The following UBE2G1 variants were observed in gnomAD, a reference collection of about 807,000 sequenced individuals.
UBE2G1 encodes ubiquitin conjugating enzyme E2 G1, also known as ubiquitin-conjugating enzyme E2 G1.
UBE2G1 carries 5 observed loss-of-function variants against 22.7 expected under a neutral mutation model. The observed-to-expected ratio is 0.22, with a 90% CI of 0.12 to 0.46. The LOEUF is 0.46. Ranked by LOEUF, UBE2G1 falls within the 20% of genes least tolerant of loss-of-function variation. The probability of loss-of-function intolerance (pLI) is 0.99; values close to 1 mark genes in which losing one functional copy is unlikely to be tolerated. For synonymous variants in UBE2G1, 74 were observed against 67.5 expected (o/e 1.10, Z -0.47); for missense variants, 88 against 203.9 (o/e 0.43, Z 3.46).
Position 4,366,295 on chromosome 17 carries a change from G to A in UBE2G1, c.22C>T (p.Leu8=), listed in dbSNP as rs768459052. 9.0e-6 allele frequency: 14 copies of A among 1,555,386 alleles called. No individual in the cohort carries two copies. In the Admixed American group the frequency reaches 1.1e-4, roughly 12 times the overall value. Reference sequence around the variant, plus strand: ...CCTGCCAGCTGTCTTCGCAGTAGCAGTGCCGACTGCAGCTCCGTCATCCTC... The same window carrying A: ...CCTGCCAGCTGTCTTCGCAGTAGCAATGCCGACTGCAGCTCCGTCATCCTC... The part of the protein sequence containing the change: MTELQSA[L]LLRRQLAELN... The change falls in exon 1 of 6, where the codon CTG becomes TTG. Residue 8 remains leucine, a synonymous_variant. Coordinates refer to ENST00000396981, the MANE Select transcript of UBE2G1 (RefSeq NM_003342.5).
At chr17:4,353,315 T>TA (rs1243762337) in intron 1 of UBE2G1, among the ~76,000 whole-genome samples, 1 of 151,826 alleles carries the variant, frequency 6.6e-6, no homozygotes, top group Non-Finnish European at 1.5e-5. Flanking sequence ...CTTAAACAAG[T>TA]AAATGGAAAA....
At chr17:4,359,304 C>T (rs1969940959) in intron 1 of UBE2G1, among the ~76,000 whole-genome samples, 1 of 152,110 alleles carries the variant, frequency 6.6e-6, no homozygotes, top group African/African-American at 2.4e-5. Context: ...TTTAACATAT[C>T]CCTAGCCAAT....
At chr17:4,301,884 T>A in intron 2 of UBE2G1, 1 of 496,224 alleles carries the variant, frequency 2.0e-6, no homozygotes, top group Non-Finnish European at 4.0e-6. Flanking sequence ...TATTCTAAGA[T>A]TGAAGCTTCG....
At chr17:4,338,237 T>C (rs1362748580) in intron 1 of UBE2G1, among the ~76,000 whole-genome samples, 3 of 149,914 alleles carry the variant, frequency 2.0e-5, no homozygotes, top group East Asian at 3.9e-4. Context: ...ACAGACAAAC[T>C]ATTAGCTGGA....
In UBE2G1 at chr17:4,269,597, G is replaced by T. The variant is rs976025878; in HGVS notation, c.*2957C>A. ...CCGTTAAAGATACTGACACCCACGT[G>T]ATCACAGTACTAGTGGAATAACCTC... is the stretch of plus-strand genomic sequence containing the variant. On this transcript the variant is annotated 3_prime_UTR_variant, in exon 6 of 6. Transcript: ENST00000396981. 1.6e-5 allele frequency: 3 copies of T among 186,174 alleles called. No homozygotes were observed. Among genetic ancestry groups the T allele is most frequent in the Admixed American group, 1.3e-4 (3 of 23,634 alleles). The allele number at this position is 186,174 out of a possible 1,614,324, so 11.5% of individuals were successfully genotyped here. A position where few individuals can be genotyped will look rare whatever the true frequency, so the allele number is the denominator to read the frequency against.
chr17:4,355,078 C>T (rs1380706644), intron 1 of UBE2G1, among the ~76,000 whole-genome samples: 1 of 152,002 alleles, frequency 6.6e-6, no homozygotes, highest in Non-Finnish European at 1.5e-5. Context: ...GACAACAGAG[C>T]AAGACCCTGT....
Position 4,333,351 on chromosome 17 carries a change from G to A in UBE2G1, c.47-26228C>T, listed in dbSNP as rs577214113. The stretch of plus-strand genomic sequence containing the variant: ...GAAGAGAAGAAAAAAACTTACGGGC[G>A]AAGCTGTTCCCTAAACAGCTAAAAT... On this transcript the variant is annotated intron_variant, in intron 1 of 5. Coordinates refer to ENST00000396981, the MANE Select transcript of UBE2G1 (RefSeq NM_003342.5). 9.2e-5 allele frequency among the ~76,000 whole-genome samples: 14 copies of A among 152,248 alleles called. No homozygotes were observed. In the South Asian group the frequency reaches 2.3e-3, roughly 25 times the overall value.
At chr17:4,312,045 C>T (rs867594854) in intron 1 of UBE2G1, among the ~76,000 whole-genome samples, 1 of 151,620 alleles carries the variant, frequency 6.6e-6, no homozygotes, top group Non-Finnish European at 1.5e-5. Context: ...TGAGGGAGTT[C>T]GAGACCAGCC....
At chr17:4,343,516 T>A (rs1969734081) in intron 1 of UBE2G1, among the ~76,000 whole-genome samples, 1 of 152,118 alleles carries the variant, frequency 6.6e-6, no homozygotes, top group Admixed American at 6.6e-5. Context: ...AAAAAAAATT[T>A]TATGTCCAAG....
intron 5 of UBE2G1, among the ~76,000 whole-genome samples, chr17:4,275,888 G>A (rs1440993359): frequency 4.6e-5 from 7 of 152,164 alleles, no homozygotes; most frequent in Admixed American, 6.5e-5. Context: ...GGACCGTGCT[G>A]CTCGTCGTCT....
At chr17:4,273,545 C>T (rs547785939) in intron 5 of UBE2G1, among the ~76,000 whole-genome samples, 115 of 152,150 alleles carry the variant, frequency 7.6e-4, no homozygotes, top group African/African-American at 2.6e-3. Context: ...GTCCTCACCA[C>T]GTCACCCAGG....
intron 5 of UBE2G1, among the ~76,000 whole-genome samples, chr17:4,276,885 G>A (rs970418247): frequency 3.9e-5 from 6 of 152,134 alleles, no homozygotes; most frequent in South Asian, 2.1e-4. Flanking sequence ...TGACCTTCCC[G>A]AGAATTCCCA....
chr17:4,304,416 T>G (rs1253969647), intron 2 of UBE2G1, among the ~76,000 whole-genome samples: 2 of 152,182 alleles, frequency 1.3e-5, no homozygotes, highest in Non-Finnish European at 2.9e-5. Flanking sequence ...CCACACCAGT[T>G]TCAGAATGTA....
chr17:4,302,595 G>A (rs914942664), intron 2 of UBE2G1: 1 of 392,788 alleles, frequency 2.5e-6, no homozygotes, highest in South Asian at 2.2e-5. Context: ...GATTCTATGT[G>A]ACTTTTATCT....
chr17:4,339,381 T>C (rs1969685452), intron 1 of UBE2G1, among the ~76,000 whole-genome samples: 1 of 151,948 alleles, frequency 6.6e-6, no homozygotes, highest in Non-Finnish European at 1.5e-5. Context: ...CTTGGCTCCC[T>C]GCAACCTTCG....
intron 3 of UBE2G1, among the ~76,000 whole-genome samples, chr17:4,290,641 TGAC>T (rs1175385618): frequency 1.8e-5 from 2 of 111,090 alleles, no homozygotes; most frequent in African/African-American, 2.7e-5. Context: ...CTGGCTAACC[TGAC>T]TTTTTTTTTT....
chr17:4,327,054 G>A (rs972854170), intron 1 of UBE2G1, among the ~76,000 whole-genome samples: 1 of 152,146 alleles, frequency 6.6e-6, no homozygotes, highest in Non-Finnish European at 1.5e-5. Flanking sequence ...CCAGTACTTT[G>A]GGAGGCCGAG....
intron 1 of UBE2G1, among the ~76,000 whole-genome samples, chr17:4,347,122 C>T (rs912100534): frequency 5.3e-5 from 8 of 152,224 alleles, no homozygotes; most frequent in African/African-American, 1.7e-4. Context: ...CACTGCACTC[C>T]AGCCCTGGGC....
At position 4,270,634 on chromosome 17, in the gene UBE2G1, TAC is replaced by T. The variant is rs995972214; in HGVS notation, c.*1918_*1919del. The T allele has an allele frequency of 1.1e-4, 14 of 130,396 alleles. No individual in the cohort carries two copies. The highest frequency in any genetic ancestry group is 2.2e-4 in the Non-Finnish European group (13 of 58,222). The allele number at this position is 130,396 out of a possible 1,614,324, so 8.1% of individuals were successfully genotyped here. A position where few individuals can be genotyped will look rare whatever the true frequency, so the allele number is the denominator to read the frequency against. On this transcript the variant is annotated 3_prime_UTR_variant, in exon 6 of 6. Transcript: ENST00000396981. ...GCTGACATTTTGGGGCAACTATTTT[TAC>T]AGTCTTTGGAAAAGGAAAAAAAAAA...
Sources: allele counts gnomAD v4.1 joint callset (sites outside exome capture counted in the v4.1 genomes callset), GRCh38; gene constraint gnomAD v4.1.1; transcripts MANE v1.5; gene names NCBI Gene and HGNC (gene_info 2026-07-23, HGNC 2026-07-21).